The following MOB3B variants were observed in gnomAD, a reference collection of about 807,000 sequenced individuals.
MOB3B encodes the protein MOB kinase activator-like 2B.
Under a neutral mutation model 18.7 loss-of-function variants are expected in MOB3B, and 7 were observed. The observed-to-expected ratio is 0.37, with a 90% CI of 0.21 to 0.70. The LOEUF (loss-of-function observed/expected upper bound fraction) is 0.70. MOB3B is among the 30% of genes least tolerant of loss of function. MOB3B has a pLI of 0.52. For missense variants in MOB3B, 253 were observed against 281.3 expected, an observed-to-expected ratio of 0.90 and a Z score of 0.72; for synonymous variants, 111 against 99.9, an observed-to-expected ratio of 1.11 and a Z score of -0.66.
chr9:27,383,639 G>T (rs1000978083), intron 2 of MOB3B, among the ~76,000 whole-genome samples: 1 of 152,194 alleles, frequency 6.6e-6, no homozygotes, highest in Non-Finnish European at 1.5e-5. Flanking sequence ...CCTAGAAGCA[G>T]ATTGTTTTCC....
chr9:27,429,926 T>C (rs969112310), intron 2 of MOB3B, among the ~76,000 whole-genome samples: 3 of 152,164 alleles, frequency 2.0e-5, no homozygotes, highest in Non-Finnish European at 4.4e-5. Flanking sequence ...TTAGAAGATC[T>C]AAGTTAGTGT....
In MOB3B at chr9:27,378,526, CA is replaced by C. The variant is rs752278468; in HGVS notation, c.419-19291del. On this transcript the variant is annotated intron_variant, in intron 2 of 3. Coordinates refer to ENST00000262244, the MANE Select transcript of MOB3B (RefSeq NM_024761.5). ...GGTTTAGTCCCAGAACTATTGGAAC[CA>C]GGGGGCAGCTTGGCCAAAGGACCGT... 2.1e-5 allele frequency: 10 copies of C among 471,044 alleles called. No homozygotes were observed. In the East Asian group the frequency reaches 6.3e-4, roughly 29 times the overall value. The allele number at this position is 471,044 out of a possible 1,614,324, so 29.2% of individuals were successfully genotyped here.
At chr9:27,448,602 C>A (rs1164210226) in intron 2 of MOB3B, among the ~76,000 whole-genome samples, 2 of 152,132 alleles carry the variant, frequency 1.3e-5, no homozygotes, top group African/African-American at 4.8e-5. Flanking sequence ...CCACTGGGTC[C>A]CTCCCACCAT....
In MOB3B at chr9:27,491,582, T is replaced by A. The variant is rs531758973; in HGVS notation, c.-198-35834A>T. On this transcript the variant is annotated intron_variant, in intron 1 of 3. Transcript: ENST00000262244. The stretch of plus-strand genomic sequence containing the variant: ...AATTAGAAAGATAATTCCTTAAAAA[T>A]CAATATAGGTGGTTGGGCACGGTGG... Among the ~76,000 whole-genome samples, 16 of 152,282 alleles carry A rather than the reference T, an allele frequency of 1.1e-4. No individual in the cohort carries two copies. The South Asian group carries it at 3.1e-3, about 30-fold the overall frequency.
At chr9:27,489,806 A>G (rs528063962) in intron 1 of MOB3B, among the ~76,000 whole-genome samples, 1 of 138,676 alleles carries the variant, frequency 7.2e-6, no homozygotes, top group East Asian at 2.2e-4. Context: ...ATGTCCACCT[A>G]TACAAGAATA....
chr9:27,462,041 T>A (rs560421209), intron 1 of MOB3B, among the ~76,000 whole-genome samples: 4 of 152,254 alleles, frequency 2.6e-5, no homozygotes, highest in African/African-American at 9.6e-5. Flanking sequence ...TAGCTTAGAT[T>A]CCCAACAATG....
intron 1 of MOB3B, among the ~76,000 whole-genome samples, chr9:27,516,638 A>T (rs1223851196): frequency 6.6e-6 from 1 of 152,128 alleles, no homozygotes; most frequent in African/African-American, 2.4e-5. Context: ...AAACAGAAAA[A>T]ACTAATTATC....
intron 1 of MOB3B, among the ~76,000 whole-genome samples, chr9:27,515,061 CT>C (rs1820210531): frequency 6.6e-6 from 1 of 152,168 alleles, no homozygotes; most frequent in Non-Finnish European, 1.5e-5. Context: ...GCTATAAATA[CT>C]TTAACAGATT....
intron 2 of MOB3B, among the ~76,000 whole-genome samples, chr9:27,384,480 C>T (rs746518206): frequency 6.6e-6 from 1 of 152,000 alleles, no homozygotes; most frequent in African/African-American, 2.4e-5. Context: ...GCTGGCACAC[C>T]CCTCACTGGA....
At chr9:27,354,757 G>A (rs1419335106) in intron 3 of MOB3B, among the ~76,000 whole-genome samples, 1 of 152,170 alleles carries the variant, frequency 6.6e-6, no homozygotes, top group Non-Finnish European at 1.5e-5. Context: ...CCCTCAAAGA[G>A]TTGACAATCC....
At chr9:27,529,135 G>C (rs1429607195) in intron 1 of MOB3B, among the ~76,000 whole-genome samples, 1 of 152,116 alleles carries the variant, frequency 6.6e-6, no homozygotes, top group Non-Finnish European at 1.5e-5. Context: ...CAGCCCAGGC[G>C]CACTTTTGTA....
intron 2 of MOB3B, among the ~76,000 whole-genome samples, chr9:27,424,711 C>A (rs879867711): frequency 3.9e-5 from 6 of 152,146 alleles, no homozygotes; most frequent in African/African-American, 1.4e-4. Flanking sequence ...GCAATTTGTA[C>A]TGGCCACCGA....
chr9:27,465,930 C>A (rs556326066), intron 1 of MOB3B, among the ~76,000 whole-genome samples: 3 of 152,282 alleles, frequency 2.0e-5, no homozygotes, highest in Non-Finnish European at 2.9e-5. Flanking sequence ...CCTGCTGGGC[C>A]TCTGGGCCTG....
At chr9:27,369,357 C>T (rs1440244150) in intron 2 of MOB3B, among the ~76,000 whole-genome samples, 2 of 152,200 alleles carry the variant, frequency 1.3e-5, no homozygotes, top group East Asian at 1.9e-4. Flanking sequence ...TTGTCTTGAA[C>T]AGTTGCTGAT....
intron 2 of MOB3B, among the ~76,000 whole-genome samples, chr9:27,415,856 A>G (rs550013130): frequency 1.3e-5 from 2 of 152,334 alleles, no homozygotes; most frequent in East Asian, 3.9e-4. Flanking sequence ...CTGGTTCTAA[A>G]CTGCAATACG....
At chr9:27,487,061 G>A (rs1053188296) in intron 1 of MOB3B, among the ~76,000 whole-genome samples, 4 of 151,898 alleles carry the variant, frequency 2.6e-5, no homozygotes, top group African/African-American at 9.7e-5. Flanking sequence ...AACCTGGGAG[G>A]TGAAGGTTGC....
At chr9:27,364,023 G>A (rs926140788) in intron 2 of MOB3B, among the ~76,000 whole-genome samples, 6 of 152,228 alleles carry the variant, frequency 3.9e-5, no homozygotes, top group East Asian at 1.9e-4. Flanking sequence ...GGGATTACAC[G>A]TGTGAGCTAT....
chr9:27,344,496 C>T (rs960243589), intron 3 of MOB3B, among the ~76,000 whole-genome samples: 10 of 152,160 alleles, frequency 6.6e-5, no homozygotes, highest in Non-Finnish European at 1.0e-4. Context: ...ACCAGTGACA[C>T]CAAAGGGAAA....
At chr9:27,365,917 G>C (rs539150672) in intron 2 of MOB3B, among the ~76,000 whole-genome samples, 1 of 152,344 alleles carries the variant, frequency 6.6e-6, no homozygotes, top group Non-Finnish European at 1.5e-5. Flanking sequence ...AGTGCGCCGA[G>C]GCAACATGCC....
Sources: allele counts gnomAD v4.1 joint callset (sites outside exome capture counted in the v4.1 genomes callset), GRCh38; gene constraint gnomAD v4.1.1; transcripts MANE v1.5; gene names NCBI Gene and HGNC (gene_info 2026-07-23, HGNC 2026-07-21).